Variants in COL26A1 observed in about 807,000 individuals in gnomAD.
The protein encoded by COL26A1 is collagen alpha-1(XXVI) chain.
In COL26A1, 41 loss-of-function variants were observed where a neutral mutation model predicts 59.3. That is an observed-to-expected ratio of 0.69 (90% CI 0.54 to 0.90). The LOEUF is 0.90. Among genes scored for constraint, COL26A1 ranks in the 40% least tolerant of loss-of-function variants. The pLI is 0.00. For synonymous variants in COL26A1, 266 were observed against 256.0 expected (o/e 1.04, Z -0.37); for missense variants, 612 against 602.3 (o/e 1.02, Z -0.17).
At chr7:101,432,546 C>T (rs905579282) in intron 2 of COL26A1, among the ~76,000 whole-genome samples, 3 of 152,058 alleles carry the variant, frequency 2.0e-5, no homozygotes, top group African/African-American at 4.8e-5. Context: ...AGGTGGGAGC[C>T]GGCAGCTGTG....
intron 3 of COL26A1, among the ~76,000 whole-genome samples, chr7:101,486,833 G>A (rs907153383): frequency 1.3e-5 from 2 of 152,242 alleles, no homozygotes; most frequent in Non-Finnish European, 2.9e-5. Flanking sequence ...TGGATTCCAG[G>A]ATGGAATTTA....
intron 3 of COL26A1, among the ~76,000 whole-genome samples, chr7:101,507,877 C>T (rs943341430): frequency 1.3e-5 from 2 of 152,110 alleles, no homozygotes; most frequent in African/African-American, 4.8e-5. Flanking sequence ...ATAGCACCGC[C>T]GCTGGTCCCT....
At chr7:101,523,305 A>G (rs1357834076) in intron 3 of COL26A1, among the ~76,000 whole-genome samples, 1 of 152,048 alleles carries the variant, frequency 6.6e-6, no homozygotes, top group Non-Finnish European at 1.5e-5. Context: ...CTGACCTCAA[A>G]TAATCCACCT....
chr7:101,551,370 G>A (rs1795859422), intron 10 of COL26A1, among the ~76,000 whole-genome samples: 1 of 152,212 alleles, frequency 6.6e-6, no homozygotes, highest in Non-Finnish European at 1.5e-5. Flanking sequence ...AGTGCCTGCA[G>A]CCCTGGATTA....
intron 1 of COL26A1, among the ~76,000 whole-genome samples, chr7:101,397,799 A>C (rs1791896134): frequency 6.6e-6 from 1 of 152,154 alleles, no homozygotes; most frequent in Admixed American, 6.6e-5. Context: ...CAGCCCCCCA[A>C]GGTGCTGGGA....
chr7:101,518,494 A>G (rs1197410527), intron 3 of COL26A1, among the ~76,000 whole-genome samples: 4 of 152,190 alleles, frequency 2.6e-5, no homozygotes, highest in Non-Finnish European at 5.9e-5. Context: ...CCCGTGTCCA[A>G]GTGGGTCAGG....
chr7:101,549,997 G>A (rs74325999), intron 9 of COL26A1, among the ~76,000 whole-genome samples: 2 of 152,204 alleles, frequency 1.3e-5, no homozygotes, highest in African/African-American at 2.4e-5. Context: ...CAAAGGCCCT[G>A]AGGCAGGGAA....
chr7:101,422,510 T>G (rs1166788856), intron 2 of COL26A1, among the ~76,000 whole-genome samples: 1 of 152,080 alleles, frequency 6.6e-6, no homozygotes, highest in Non-Finnish European at 1.5e-5. Flanking sequence ...AGTTTCAGAT[T>G]ACCAGGTCAT....
At chr7:101,411,521 G>C in intron 1 of COL26A1, among the ~76,000 whole-genome samples, 1 of 152,122 alleles carries the variant, frequency 6.6e-6, no homozygotes, top group East Asian at 1.9e-4. Flanking sequence ...TAAGGAGGCA[G>C]GGAAGGGAGG....
intron 1 of COL26A1, among the ~76,000 whole-genome samples, chr7:101,406,660 C>A (rs751406626): frequency 5.9e-5 from 9 of 152,184 alleles, no homozygotes; most frequent in Non-Finnish European, 1.3e-4. Flanking sequence ...TAAAAACTTT[C>A]CATGTGTTGG....
At chr7:101,418,017 G>T (rs1203519945) in intron 1 of COL26A1, among the ~76,000 whole-genome samples, 1 of 152,032 alleles carries the variant, frequency 6.6e-6, no homozygotes, top group Non-Finnish European at 1.5e-5. Context: ...GAGTCACCAT[G>T]CCCAGTCGTA....
At chr7:101,519,109 T>C (rs1254443414) in intron 3 of COL26A1, among the ~76,000 whole-genome samples, 1 of 152,192 alleles carries the variant, frequency 6.6e-6, no homozygotes, top group Admixed American at 6.5e-5. Context: ...CACTTGCCTG[T>C]CCAGAAGAGG....
intron 3 of COL26A1, among the ~76,000 whole-genome samples, chr7:101,503,846 G>T (rs1180212937): frequency 6.6e-6 from 1 of 152,168 alleles, no homozygotes; most frequent in Non-Finnish European, 1.5e-5. Context: ...GACATGAGTA[G>T]GGAGCAATGG....
At chr7:101,444,475 G>T (rs557177803) in intron 2 of COL26A1, among the ~76,000 whole-genome samples, 1 of 149,964 alleles carries the variant, frequency 6.7e-6, no homozygotes, top group South Asian at 2.1e-4. Flanking sequence ...GAGTGCAGTG[G>T]CGTGATCTCC....
intron 1 of COL26A1, among the ~76,000 whole-genome samples, chr7:101,394,357 G>A (rs140760009): frequency 1.1e-3 from 171 of 151,336 alleles, no homozygotes; most frequent in African/African-American, 4.1e-3. Flanking sequence ...GATTATAAAC[G>A]TGTGCTGTTT....
intron 3 of COL26A1, among the ~76,000 whole-genome samples, chr7:101,451,349 AATGT>A (rs1411306629): frequency 6.8e-6 from 1 of 146,782 alleles, no homozygotes; most frequent in African/African-American, 2.5e-5. Context: ...CTATTTAAAC[AATGT>A]ATGTATTATA....
intron 3 of COL26A1, among the ~76,000 whole-genome samples, chr7:101,523,759 TA>T (rs1795184791): frequency 6.6e-6 from 1 of 152,186 alleles, no homozygotes; most frequent in African/African-American, 2.4e-5. Context: ...TATAGTTTTG[TA>T]ACAAGGTCTC....
chr7:101,489,676 C>CGTT (rs1491201925), intron 3 of COL26A1, among the ~76,000 whole-genome samples: 1 of 23,952 alleles, frequency 4.2e-5, no homozygotes, highest in East Asian at 7.1e-4. Flanking sequence ...TTCCTTCCTT[C>CGTT]CTTCCTTTCT....
At chr7:101,392,102 A>C (rs948809244) in intron 1 of COL26A1, among the ~76,000 whole-genome samples, 5 of 152,170 alleles carry the variant, frequency 3.3e-5, no homozygotes, top group East Asian at 1.9e-4. Context: ...CAGTGGATGC[A>C]AATGGCTAAG....
Sources: allele counts gnomAD v4.1 joint callset (sites outside exome capture counted in the v4.1 genomes callset), GRCh38; gene constraint gnomAD v4.1.1; transcripts MANE v1.5; gene names NCBI Gene and HGNC (gene_info 2026-07-23, HGNC 2026-07-21).